ABTB3: variants seen among roughly 807,000 people sequenced by gnomAD.
ABTB3 encodes the protein ankyrin repeat- and BTB/POZ domain-containing protein 3.
the ABTB3 span, among the ~76,000 whole-genome samples, chr12:107,594,251 C>G: frequency 6.6e-6 from 1 of 152,204 alleles, no homozygotes; most frequent in African/African-American, 2.4e-5. Context: ...ATTTCATTCT[C>G]CTGGGTGTTT....
the ABTB3 span, among the ~76,000 whole-genome samples, chr12:107,495,068 G>T: frequency 6.6e-6 from 1 of 152,150 alleles, no homozygotes; most frequent in South Asian, 2.1e-4. Context: ...TGGCCAGGAC[G>T]CCCAGCGCCC....
the ABTB3 span, among the ~76,000 whole-genome samples, chr12:107,399,326 T>C: frequency 6.6e-6 from 1 of 152,180 alleles, no homozygotes; most frequent in Non-Finnish European, 1.5e-5. Context: ...GAACAAAGGA[T>C]GTCAGGGAAC....
the ABTB3 span, among the ~76,000 whole-genome samples, chr12:107,498,506 C>T: frequency 1.3e-5 from 2 of 152,198 alleles, no homozygotes; most frequent in Non-Finnish European, 2.9e-5. Context: ...GGTCAGAAGT[C>T]CAAAATGGGT....
the ABTB3 span, among the ~76,000 whole-genome samples, chr12:107,643,466 C>A: frequency 6.6e-6 from 1 of 151,638 alleles, no homozygotes; most frequent in South Asian, 2.1e-4. Flanking sequence ...AGCTGTCCCC[C>A]TGAGGTCAGG....
chr12:107,463,060 T>TG, the ABTB3 span, among the ~76,000 whole-genome samples: 2 of 151,658 alleles, frequency 1.3e-5, no homozygotes, highest in Admixed American at 1.3e-4. Flanking sequence ...ATGATGGTGA[T>TG]GATGATGGTG....
At chr12:107,584,434 C>T in the ABTB3 span, among the ~76,000 whole-genome samples, 1 of 152,226 alleles carries the variant, frequency 6.6e-6, no homozygotes, top group East Asian at 1.9e-4. Context: ...GAGGACTTGG[C>T]AAATAATGTA....
chr12:107,498,347 A>G, the ABTB3 span, among the ~76,000 whole-genome samples: 1 of 152,190 alleles, frequency 6.6e-6, no homozygotes, highest in Non-Finnish European at 1.5e-5. Flanking sequence ...TTTCAGAATG[A>G]CACCATCAGG....
At chr12:107,322,320 G>T in the ABTB3 span, among the ~76,000 whole-genome samples, 1 of 152,056 alleles carries the variant, frequency 6.6e-6, no homozygotes, top group Non-Finnish European at 1.5e-5. Flanking sequence ...CCTCCTCTGG[G>T]TATGAGATAT....
At chr12:107,357,039 C>A in the ABTB3 span, among the ~76,000 whole-genome samples, 2 of 152,238 alleles carry the variant, frequency 1.3e-5, no homozygotes, top group African/African-American at 4.8e-5. Flanking sequence ...CCTCAAGGAG[C>A]TTAGAGGACC....
the ABTB3 span, among the ~76,000 whole-genome samples, chr12:107,383,697 CT>C: frequency 1.3e-5 from 2 of 152,180 alleles, 1 homozygote; most frequent in South Asian, 4.1e-4. Context: ...TGATTGTCGA[CT>C]GTTTGGAGCT....
the ABTB3 span, among the ~76,000 whole-genome samples, chr12:107,368,736 A>G: frequency 2.0e-5 from 3 of 152,158 alleles, no homozygotes; most frequent in African/African-American, 7.2e-5. Flanking sequence ...CCATTTACCC[A>G]TATCCTGTTT....
the ABTB3 span, among the ~76,000 whole-genome samples, chr12:107,553,727 G>T: frequency 2.6e-5 from 4 of 152,060 alleles, no homozygotes; most frequent in Non-Finnish European, 5.9e-5. Flanking sequence ...TCACTTGAGG[G>T]CAGGAATTCA....
chr12:107,645,553 AC>A, the ABTB3 span, among the ~76,000 whole-genome samples: 343 of 152,076 alleles, frequency 2.3e-3, 2 homozygotes, highest in African/African-American at 8.0e-3. Flanking sequence ...CCCCCGCTAA[AC>A]TCACCCAGCC....
At chr12:107,520,913 A>G in the ABTB3 span, among the ~76,000 whole-genome samples, 4 of 152,236 alleles carry the variant, frequency 2.6e-5, no homozygotes, top group African/African-American at 9.6e-5. Flanking sequence ...AACTAGAGAA[A>G]ATATCAATGC....
the ABTB3 span, among the ~76,000 whole-genome samples, chr12:107,490,964 C>G: frequency 6.6e-6 from 1 of 152,070 alleles, no homozygotes; most frequent in Non-Finnish European, 1.5e-5. Flanking sequence ...TAGCTAGGAC[C>G]AAAGGGCTTA....
the ABTB3 span, among the ~76,000 whole-genome samples, chr12:107,498,637 C>T: frequency 6.6e-6 from 1 of 152,150 alleles, no homozygotes; most frequent in Admixed American, 6.5e-5. Flanking sequence ...AGGTCTTGTT[C>T]TCATGGCATC....
At chr12:107,391,635 C>T in the ABTB3 span, among the ~76,000 whole-genome samples, 1 of 152,200 alleles carries the variant, frequency 6.6e-6, no homozygotes, top group Non-Finnish European at 1.5e-5. Context: ...TAGGTCTTCT[C>T]TATTTAAGCC....
chr12:107,488,181 A>G, the ABTB3 span, among the ~76,000 whole-genome samples: 1 of 152,112 alleles, frequency 6.6e-6, no homozygotes, highest in South Asian at 2.1e-4. Context: ...ACCTGGGCTC[A>G]GTTTTCAACC....
chr12:107,397,350 A>G, the ABTB3 span, among the ~76,000 whole-genome samples: 5 of 152,224 alleles, frequency 3.3e-5, no homozygotes, highest in African/African-American at 7.2e-5. Flanking sequence ...CTTTGTCTGC[A>G]TATCTCTGAT....
Sources: allele counts gnomAD v4.1 joint callset (sites outside exome capture counted in the v4.1 genomes callset), GRCh38; gene constraint gnomAD v4.1.1; transcripts MANE v1.5; gene names NCBI Gene and HGNC (gene_info 2026-07-23, HGNC 2026-07-21).